The following LINGO1 variants were observed in gnomAD, a reference collection of about 807,000 sequenced individuals.
LINGO1 encodes leucine-rich repeat and immunoglobulin-like domain-containing nogo receptor-interacting protein 1.
In LINGO1, 11 loss-of-function variants were observed where a neutral mutation model predicts 37.3. The ratio of observed to expected loss-of-function variants is 0.29; its 90% CI spans 0.19 to 0.49. The LOEUF is 0.49. LINGO1 is among the 20% of genes least tolerant of loss of function. LINGO1 has a pLI of 0.99. For synonymous variants in LINGO1, 387 were observed against 403.0 expected (o/e 0.96, Z 0.48); for missense variants, 585 against 878.2 (o/e 0.67, Z 4.22).
intron 3 of LINGO1, among the ~76,000 whole-genome samples, chr15:77,664,170 T>TGTGTGTGTGTGTGTGTGTGTGTGTGCGC: frequency 7.6e-6 from 1 of 130,942 alleles, no homozygotes; most frequent in African/African-American, 3.7e-5. Flanking sequence ...TGTGTGTGTG[T>TGTGTGTGTGTGTGTGTGTGTGTGTGCGC]GCGCGCGCGC....
intron 1 of LINGO1, among the ~76,000 whole-genome samples, chr15:77,797,611 G>A (rs1316912563): frequency 6.6e-6 from 1 of 152,238 alleles, no homozygotes; most frequent in African/African-American, 2.4e-5. Context: ...ACCAGCACCT[G>A]GCTCCCAGCA....
At chr15:77,746,425 C>T (rs1344640669) in intron 1 of LINGO1, among the ~76,000 whole-genome samples, 1 of 152,196 alleles carries the variant, frequency 6.6e-6, no homozygotes, top group Non-Finnish European at 1.5e-5. Flanking sequence ...TGCCTAGATA[C>T]ATTTTTAGGT....
chr15:77,699,389 A>T (rs1056151223), upstream of LINGO1, among the ~76,000 whole-genome samples: 4 of 146,216 alleles, frequency 2.7e-5, no homozygotes, highest in African/African-American at 1.0e-4. Context: ...CAATAAGCAC[A>T]TACTAACCAT....
upstream of LINGO1, among the ~76,000 whole-genome samples, chr15:77,634,082 G>T (rs1436948568): frequency 6.6e-6 from 1 of 152,144 alleles, no homozygotes; most frequent in Non-Finnish European, 1.5e-5. Context: ...TGGGGGAGGG[G>T]ATCTAGCCCA....
At chr15:77,764,558 G>A (rs935232521) in intron 1 of LINGO1, among the ~76,000 whole-genome samples, 6 of 152,192 alleles carry the variant, frequency 3.9e-5, no homozygotes, top group African/African-American at 1.2e-4. Flanking sequence ...CAGAAGAGGA[G>A]CGCTGAAGGG....
chr15:77,664,536 G>T (rs1025885469), intron 3 of LINGO1, among the ~76,000 whole-genome samples: 1 of 152,212 alleles, frequency 6.6e-6, no homozygotes. Flanking sequence ...CCGGTCAGGA[G>T]AGCAGTGTAA....
chr15:77,763,419 C>T (rs1339202910), intron 1 of LINGO1, among the ~76,000 whole-genome samples: 3 of 152,086 alleles, frequency 2.0e-5, no homozygotes, highest in Admixed American at 2.0e-4. Flanking sequence ...ATCCCCTCTC[C>T]CCAGTCACTG....
intron 1 of LINGO1, among the ~76,000 whole-genome samples, chr15:77,630,115 C>T (rs978949122): frequency 1.3e-5 from 2 of 152,018 alleles, no homozygotes; most frequent in African/African-American, 4.8e-5. Flanking sequence ...ACAGCTAGCC[C>T]AAGAGACTCC....
chr15:77,814,515 A>AC (rs2077032758), intron 1 of LINGO1, among the ~76,000 whole-genome samples: 1 of 152,220 alleles, frequency 6.6e-6, no homozygotes, highest in African/African-American at 2.4e-5. Context: ...AACCTGACCC[A>AC]CTTCCCTTTC....
At chr15:77,627,849 C>T (rs2074139859) in intron 1 of LINGO1, among the ~76,000 whole-genome samples, 1 of 152,186 alleles carries the variant, frequency 6.6e-6, no homozygotes, top group Admixed American at 6.5e-5. Context: ...TCCCAGACTT[C>T]AGGGATGGTA....
rs560892351 is a variant in LINGO1 at position 77,673,449 on chromosome 15, G to A, written c.-13+3640C>T. Among the ~76,000 whole-genome samples, 106 of 132,208 alleles carry A rather than the reference G, an allele frequency of 8.0e-4. 2 individuals are homozygous for A. In the South Asian group the frequency reaches 0.011, roughly 14 times the overall value. The allele number at this position is 132,208 out of a possible 152,430, so 86.7% of individuals were successfully genotyped here. ...TGAAACTATGGTCACCTGTGACCTC[G>A]TTACCGAGGCAGTGACCAGTTCTCA... On this transcript the variant is annotated intron_variant, in intron 3 of 3. Coordinates refer to the LINGO1 transcript ENST00000559893.
At chr15:77,754,646 T>C (rs1463481703) in intron 1 of LINGO1, among the ~76,000 whole-genome samples, 1 of 152,018 alleles carries the variant, frequency 6.6e-6, no homozygotes, top group Non-Finnish European at 1.5e-5. Context: ...GTGCTGGGGG[T>C]TCTGGGGGTG....
upstream of LINGO1, among the ~76,000 whole-genome samples, chr15:77,636,126 T>C (rs558356787): frequency 6.6e-6 from 1 of 152,384 alleles, no homozygotes; most frequent in African/African-American, 2.4e-5. Context: ...TCAAGTTCAC[T>C]CTGTGCACGA....
In LINGO1 at chr15:77,736,728, C is replaced by A. The variant is rs755442530; in HGVS notation, c.-256-1675G>T. 2.0e-4 allele frequency among the ~76,000 whole-genome samples: 30 copies of A among 152,214 alleles called. No individual in the cohort carries two copies. The East Asian group carries it at 2.5e-3, about 13-fold the overall frequency. ...GGTGGAGGCTACAGCGAGCTATGAT[C>A]GTGCCACTGCACTCCCGCCTAGGTG... On this transcript the variant is annotated intron_variant, in intron 1 of 3. Transcript: ENST00000561686.
At chr15:77,814,780 G>A (rs1440092272) in intron 1 of LINGO1, among the ~76,000 whole-genome samples, 1 of 152,200 alleles carries the variant, frequency 6.6e-6, no homozygotes, top group African/African-American at 2.4e-5. Context: ...GATTCGAGGA[G>A]CCACTCCATA....
At chr15:77,702,569 C>T (rs943070113) in intron 2 of LINGO1, among the ~76,000 whole-genome samples, 1 of 152,100 alleles carries the variant, frequency 6.6e-6, no homozygotes, top group Non-Finnish European at 1.5e-5. Context: ...TCAATGAGAC[C>T]GTGATGCAGG....
chr15:77,718,226 A>C (rs2076008349), intron 2 of LINGO1, among the ~76,000 whole-genome samples: 1 of 150,988 alleles, frequency 6.6e-6, no homozygotes, highest in African/African-American at 2.4e-5. Context: ...CTACACAGGA[A>C]GACACGTATG....
chr15:77,777,390 CCA>C (rs1297808501), intron 1 of LINGO1, among the ~76,000 whole-genome samples: 7 of 143,848 alleles, frequency 4.9e-5, no homozygotes, highest in African/African-American at 1.5e-4. Flanking sequence ...AATACACACA[CCA>C]CACACACATA....
At chr15:77,644,075 C>G (rs75373191) in intron 3 of LINGO1, among the ~76,000 whole-genome samples, 12 of 152,206 alleles carry the variant, frequency 7.9e-5, no homozygotes, top group Non-Finnish European at 8.8e-5. Context: ...TCCTTGTGAC[C>G]GTGAATCTAG....
Sources: allele counts gnomAD v4.1 joint callset (sites outside exome capture counted in the v4.1 genomes callset), GRCh38; gene constraint gnomAD v4.1.1; transcripts MANE v1.5; gene names NCBI Gene and HGNC (gene_info 2026-07-23, HGNC 2026-07-21).